PHLDB2: variants seen among roughly 807,000 people sequenced by gnomAD.
The protein encoded by PHLDB2 is pleckstrin homology like domain family B member 2.
In PHLDB2, 71 loss-of-function variants were observed where a neutral mutation model predicts 123.6. That is an observed-to-expected ratio of 0.57 (90% CI 0.47 to 0.70). The LOEUF is 0.70. Ranked by LOEUF, PHLDB2 falls within the 30% of genes least tolerant of loss-of-function variation. The pLI is 0.00. For missense variants in PHLDB2, 1,446 were observed against 1,519.5 expected (o/e 0.95, Z 0.80); for synonymous variants, 547 against 541.6 (o/e 1.01, Z -0.14).
chr3:111,870,022 A>G (rs2065262460), intron 1 of PHLDB2, among the ~76,000 whole-genome samples: 1 of 152,252 alleles, frequency 6.6e-6, no homozygotes, highest in Non-Finnish European at 1.5e-5. Context: ...AAACAGAACA[A>G]TAAGGAGACT....
upstream of PHLDB2, among the ~76,000 whole-genome samples, chr3:111,858,304 G>C (rs188475772): frequency 1.4e-4 from 21 of 152,150 alleles, no homozygotes; most frequent in Middle Eastern, 3.4e-3. Context: ...GGCCTGTTGG[G>C]GGGTGGGGGA....
chr3:111,971,631 A>C (rs2072190295), intron 16 of PHLDB2, among the ~76,000 whole-genome samples: 5 of 151,980 alleles, frequency 3.3e-5, no homozygotes, highest in Admixed American at 2.6e-4. Flanking sequence ...AGCTTTGTCC[A>C]CTCCTACCCC....
At chr3:111,753,098 G>A (rs1444334231) in intron 1 of PHLDB2, among the ~76,000 whole-genome samples, 8 of 151,884 alleles carry the variant, frequency 5.3e-5, no homozygotes, top group Non-Finnish European at 7.4e-5. Flanking sequence ...GAATAGTGCC[G>A]CAATAAACGT....
chr3:111,893,442 A>G (rs2066620765), intron 2 of PHLDB2, among the ~76,000 whole-genome samples: 1 of 152,120 alleles, frequency 6.6e-6, no homozygotes, highest in Non-Finnish European at 1.5e-5. Flanking sequence ...AGGTTTGTTT[A>G]CCAACCCAAT....
intron 1 of PHLDB2, among the ~76,000 whole-genome samples, chr3:111,733,552 A>ATG (rs1241235071): frequency 6.6e-6 from 1 of 152,190 alleles, no homozygotes; most frequent in Non-Finnish European, 1.5e-5. Flanking sequence ...TGATGATACC[A>ATG]ATGCCACTCT....
Position 111,974,634 on chromosome 3 carries a change from C to A in PHLDB2, c.*71C>A. 4 of 1,412,108 alleles carry A rather than the reference C, an allele frequency of 2.8e-6. No individual in the cohort carries two copies. Among genetic ancestry groups the A allele is most frequent in the Non-Finnish European group, 3.7e-6 (4 of 1,068,466 alleles). 87.5% of individuals were successfully genotyped at this position (1,412,108 alleles called of 1,614,324 possible). A position where few individuals can be genotyped will look rare whatever the true frequency, so the allele number is the denominator to read the frequency against. On this transcript the variant is annotated 3_prime_UTR_variant, in exon 18 of 18. Transcript: ENST00000431670. ...TTACAAGAATGAAGCCATATTCAAC[C>A]CCAGATGAGAAAACCCAACAGATCC... is the stretch of plus-strand genomic sequence containing the variant.
intron 1 of PHLDB2, among the ~76,000 whole-genome samples, chr3:111,746,334 A>ATATC (rs1458884670): frequency 3.9e-5 from 6 of 152,228 alleles, no homozygotes; most frequent in South Asian, 2.1e-4. Flanking sequence ...TGGAAGTCCA[A>ATATC]TATCTAACTG....
chr3:111,873,816 A>G (rs1278277191), intron 1 of PHLDB2, among the ~76,000 whole-genome samples: 1 of 152,194 alleles, frequency 6.6e-6, no homozygotes, highest in East Asian at 1.9e-4. Flanking sequence ...AAACACTTGA[A>G]GGATTACTGT....
In PHLDB2 at chr3:111,884,575, G is replaced by A; in HGVS notation, c.498G>A (p.Gly166=). The A allele has an allele frequency of 6.2e-7, 1 of 1,614,146 alleles. No homozygotes were observed. Among genetic ancestry groups the A allele is most frequent in the Non-Finnish European group, 8.5e-7 (1 of 1,180,020 alleles). Residue 166 remains glycine (G), a synonymous_variant, in exon 2 of 18, where the codon GGG becomes GGA. Transcript: ENST00000431670. Reference sequence around the variant, plus strand: ...ATGACAATGTCTACTCTCTTGGAGGGCTGGAAGGTCGGAAGGCATCTGGCT... The same window carrying A: ...ATGACAATGTCTACTCTCTTGGAGGACTGGAAGGTCGGAAGGCATCTGGCT... ...KSHDNVYSLG[G]LEGRKASGSL... is the part of the protein sequence containing the mutation.
intron 4 of PHLDB2, among the ~76,000 whole-genome samples, chr3:111,919,971 G>A (rs886773803): frequency 6.6e-5 from 10 of 152,212 alleles, no homozygotes; most frequent in African/African-American, 1.4e-4. Flanking sequence ...TCCCATGGTG[G>A]TTTGTGCTTG....
chr3:111,975,278 AAAG>A lies in PHLDB2; in HGVS notation c.*721_*723del, dbSNP rs923548944. On this transcript the variant is annotated 3_prime_UTR_variant, in exon 18 of 18. Coordinates refer to ENST00000431670, the MANE Select transcript of PHLDB2 (RefSeq NM_001134438.2). ...TATATGTAGTAAACCACTTTTTGTA[AAAG>A]AAGAAAGAGCAAAAAGCTGTGTGTT... 2.6e-5 allele frequency: 4 copies of A among 152,130 alleles called. No homozygotes were observed. The highest frequency in any genetic ancestry group is 9.7e-5 in the African/African-American group (4 of 41,414). 9.4% of individuals were successfully genotyped at this position (152,130 alleles called of 1,614,324 possible).
At chr3:111,848,533 T>A (rs573359395) in intron 2 of PHLDB2, among the ~76,000 whole-genome samples, 8 of 152,320 alleles carry the variant, frequency 5.3e-5, no homozygotes, top group African/African-American at 7.2e-5. Context: ...GCACTCCAAG[T>A]GTTGAGGGAT....
At chr3:111,799,645 T>TGC (rs2061308750) in intron 1 of PHLDB2, among the ~76,000 whole-genome samples, 1 of 152,216 alleles carries the variant, frequency 6.6e-6, no homozygotes, top group African/African-American at 2.4e-5. Flanking sequence ...TAAGTTTTTC[T>TGC]TAAAATCAAA....
intron 2 of PHLDB2, among the ~76,000 whole-genome samples, chr3:111,893,859 A>G (rs972395639): frequency 1.3e-5 from 2 of 148,154 alleles, no homozygotes; most frequent in Non-Finnish European, 3.0e-5. Flanking sequence ...TCTATTCTCT[A>G]AGTAAACAGC....
At chr3:111,792,594 C>T (rs1020185458) in intron 1 of PHLDB2, among the ~76,000 whole-genome samples, 10 of 152,094 alleles carry the variant, frequency 6.6e-5, no homozygotes, top group African/African-American at 2.4e-4. Context: ...GTGTTCCTAA[C>T]TACTCAGGAG....
rs546107157 is a variant in PHLDB2 at position 111,754,187 on chromosome 3, A to T, written c.-49+21484A>T. ...AGTAGTTTTTTCCAATTCTGTGAAG[A>T]AAGTCATTGGTAGCTTGATGGGGAT... On this transcript the variant is annotated intron_variant, in intron 1 of 17. Transcript: ENST00000393923. Among the ~76,000 whole-genome samples, 1,429 of 150,924 alleles carry T rather than the reference A, an allele frequency of 9.5e-3. 16 individuals are homozygous for T. Among genetic ancestry groups the T allele is most frequent in the African/African-American group, 0.032 (1,306 of 40,824 alleles).
At chr3:111,857,865 G>A (rs2064593234), upstream of PHLDB2, among the ~76,000 whole-genome samples, 1 of 152,192 alleles carries the variant, frequency 6.6e-6, no homozygotes, top group Non-Finnish European at 1.5e-5. Flanking sequence ...GGGAGTATAA[G>A]TTAGTTCAAC....
intron 1 of PHLDB2, among the ~76,000 whole-genome samples, chr3:111,737,767 A>G (rs905048031): frequency 6.6e-6 from 1 of 151,986 alleles, no homozygotes; most frequent in African/African-American, 2.4e-5. Context: ...CTTTTTTGTC[A>G]TCACTGGGTT....
chr3:111,901,879 AC>A (rs1457935158), intron 2 of PHLDB2, among the ~76,000 whole-genome samples: 1 of 152,240 alleles, frequency 6.6e-6, no homozygotes, highest in African/African-American at 2.4e-5. Context: ...TTATGATGAT[AC>A]GGATCACATG....
Sources: allele counts gnomAD v4.1 joint callset (sites outside exome capture counted in the v4.1 genomes callset), GRCh38; gene constraint gnomAD v4.1.1; transcripts MANE v1.5; gene names NCBI Gene and HGNC (gene_info 2026-07-23, HGNC 2026-07-21).